The following FADD variants were observed in gnomAD, a reference collection of about 807,000 sequenced individuals.
FADD encodes Fas associated via death domain, also known as FAS-associated death domain protein.
In FADD, 3 loss-of-function variants were observed where a neutral mutation model predicts 5.8. That is an observed-to-expected ratio of 0.52 (90% confidence interval 0.24 to 1.34). The LOEUF (loss-of-function observed/expected upper bound fraction) is 1.34. Ranked by LOEUF, FADD falls within the 40% of genes most tolerant of loss-of-function variation. The pLI is 0.17. For synonymous variants in FADD, 138 were observed against 130.8 expected, an observed-to-expected ratio of 1.06 and a Z score of -0.38; for missense variants, 249 against 286.7, an observed-to-expected ratio of 0.87 and a Z score of 0.95.
chr11:70,205,557 C>T (rs2049452859), intron 1 of FADD, among the ~76,000 whole-genome samples: 1 of 152,158 alleles, frequency 6.6e-6, no homozygotes, highest in African/African-American at 2.4e-5. Flanking sequence ...TCCAGGCATT[C>T]TTTGACTTGT....
At position 70,206,726 on chromosome 11, in the gene FADD, G is replaced by A; in HGVS notation, c.*253G>A. 5.7e-6 allele frequency: 3 copies of A among 521,936 alleles called. No individual in the cohort carries two copies. The highest frequency in any genetic ancestry group is 1.0e-5 in the Non-Finnish European group (3 of 286,802). The allele number at this position is 521,936 out of a possible 1,614,324, so 32.3% of individuals were successfully genotyped here. A position where few individuals can be genotyped will look rare whatever the true frequency, so the allele number is the denominator to read the frequency against. ...GCAAGATCTTGTCTCCACTAAATGAGCTCCTGCGGGAGTAGTTGGAAAGTT... is the reference window on the plus strand; with the variant it reads ...GCAAGATCTTGTCTCCACTAAATGAACTCCTGCGGGAGTAGTTGGAAAGTT... On this transcript the variant is annotated 3_prime_UTR_variant, in exon 2 of 2. Coordinates refer to ENST00000301838, the MANE Select transcript of FADD (RefSeq NM_003824.4).
chr11:70,204,192 A>C lies in FADD; in HGVS notation c.286+447A>C, dbSNP rs2049442926. Among the ~76,000 whole-genome samples, 3 of 152,266 alleles carry C rather than the reference A, an allele frequency of 2.0e-5. No individual in the cohort carries two copies. In the South Asian group the frequency reaches 6.2e-4, roughly 31 times the overall value. ...TGTAACTGCCAAATACAATTTTCGCAGTAGCCCTGTGGCTTAGATACTGTT... is the reference window on the plus strand; with the variant it reads ...TGTAACTGCCAAATACAATTTTCGCCGTAGCCCTGTGGCTTAGATACTGTT... On this transcript the variant is annotated intron_variant, in intron 1 of 1. Transcript: ENST00000301838.
Position 70,206,167 on chromosome 11 carries a change from TGTG to T in FADD, c.323_325del (p.Val108del). On this transcript the variant is annotated inframe_deletion, in exon 2 of 2. Transcript: ENST00000301838. ...CAGCATTTAACGTCATATGTGATAA[TGTG>T]GGGAAAGATTGGAGAAGGCTGGCTC... 1 of 1,614,060 alleles carries T rather than the reference TGTG, an allele frequency of 6.2e-7. No individual in the cohort carries two copies. The highest frequency in any genetic ancestry group is 8.5e-7 in the Non-Finnish European group (1 of 1,180,004).
In FADD at chr11:70,207,358, A is replaced by G. The variant is rs1203822166; in HGVS notation, c.*885A>G. ...CTTATTCCTAAGGTAATCCTATTAA[A>G]ACACAGCTTTACAACTTCCATACTA... On this transcript the variant is annotated 3_prime_UTR_variant, in exon 2 of 2. Coordinates refer to ENST00000301838, the MANE Select transcript of FADD (RefSeq NM_003824.4). 5.9e-5 allele frequency: 9 copies of G among 152,104 alleles called. No homozygotes were observed. Among genetic ancestry groups the G allele is most frequent in the African/African-American group, 2.2e-4 (9 of 41,418 alleles). The allele number at this position is 152,104 out of a possible 1,614,324, so 9.4% of individuals were successfully genotyped here.
In FADD at chr11:70,206,514, C is replaced by T. The variant is rs2049462875; in HGVS notation, c.*41C>T. 6.3e-7 allele frequency: 1 copy of T among 1,583,816 alleles called. No individual in the cohort carries two copies. The highest frequency in any genetic ancestry group is 8.6e-7 in the Non-Finnish European group (1 of 1,157,004). Reference sequence around the variant, plus strand: ...CGCTGGTGGACCACAGGCATCTACACAGCCTGGACTTTGGTTCTCTCCAGG... The same window carrying T: ...CGCTGGTGGACCACAGGCATCTACATAGCCTGGACTTTGGTTCTCTCCAGG... On this transcript the variant is annotated 3_prime_UTR_variant, in exon 2 of 2. Transcript: ENST00000301838.
chr11:70,203,621 C>T lies in FADD; in HGVS notation c.162C>T (p.Asp54=). The T allele has an allele frequency of 1.9e-6, 3 of 1,596,696 alleles. No individual in the cohort carries two copies. Among genetic ancestry groups the T allele is most frequent in the Admixed American group, 1.7e-5 (1 of 58,302 alleles). The stretch of plus-strand genomic sequence containing the variant: ...TCTCCATGCTGCTGGAGCAGAACGA[C>T]CTGGAGCCCGGGCACACCGAGCTCC... ...DLFSMLLEQN[D]LEPGHTELLR... Residue 54 remains aspartate (D), a synonymous_variant, in exon 1 of 2, where the codon GAC becomes GAT. Coordinates refer to ENST00000301838, the MANE Select transcript of FADD (RefSeq NM_003824.4).
At chr11:70,205,647 C>G (rs1030730954) in intron 1 of FADD, among the ~76,000 whole-genome samples, 1 of 152,178 alleles carries the variant, frequency 6.6e-6, no homozygotes, top group Non-Finnish European at 1.5e-5. Context: ...TCCAGGTCAT[C>G]CAGGATGATC....
rs745305568 is a variant in FADD, at chr11:70,203,765, G to T, written c.286+20G>T. The stretch of plus-strand genomic sequence containing the variant: ...AAGAAGGTGGGCGCGGGGCCGGGCC[G>T]GGGGAGCCAGGGCCTGGTCGCCCGG... On this transcript the variant is annotated intron_variant, in intron 1 of 1. Coordinates refer to ENST00000301838, the MANE Select transcript of FADD (RefSeq NM_003824.4). 3 of 1,196,320 alleles carry T rather than the reference G, an allele frequency of 2.5e-6. No individual in the cohort carries two copies. In the African/African-American group the frequency reaches 4.8e-5, roughly 19 times the overall value. 74.1% of individuals were successfully genotyped at this position (1,196,320 alleles called of 1,614,324 possible). A position where few individuals can be genotyped will look rare whatever the true frequency, so the allele number is the denominator to read the frequency against.
intron 1 of FADD, among the ~76,000 whole-genome samples, chr11:70,205,201 C>T (rs933548125): frequency 5.3e-5 from 8 of 152,198 alleles, no homozygotes; most frequent in African/African-American, 4.8e-5. Context: ...AAGCAGCACC[C>T]TGTCCTGCCT....
At position 70,203,603 on chromosome 11, in the gene FADD, G is replaced by A; in HGVS notation, c.144G>A (p.Met48Ile). ...AGAGCGGCCTAGACCTCTTCTCCAT[G>A]CTGCTGGAGCAGAACGACCTGGAGC... ...RVQSGLDLFSMLLEQNDLEPG... is the reference protein window; with the variant it reads ...RVQSGLDLFSILLEQNDLEPG... The change falls in exon 1 of 2, where the codon ATG (methionine) becomes ATA (isoleucine). Residue 48 changes from methionine (M) to isoleucine (I), a missense_variant. Coordinates refer to ENST00000301838, the MANE Select transcript of FADD (RefSeq NM_003824.4). The A allele has an allele frequency of 6.2e-7, 1 of 1,608,122 alleles. No individual in the cohort carries two copies. Among genetic ancestry groups the A allele is most frequent in the East Asian group, 2.3e-5 (1 of 44,072 alleles).
In FADD at chr11:70,206,248, C is replaced by A. The variant is rs768429356; in HGVS notation, c.402C>A (p.Pro134=). Residue 134 remains proline (P), a synonymous_variant, in exon 2 of 2, where the codon CCC becomes CCA. Transcript: ENST00000301838. ...TKIDSIEDRY[P]RNLTERVRES... is the part of the protein sequence containing the mutation. ...TCGACAGCATCGAGGACAGATACCCCCGCAACCTGACAGAGCGTGTGCGGG... is the reference window on the plus strand; with the variant it reads ...TCGACAGCATCGAGGACAGATACCCACGCAACCTGACAGAGCGTGTGCGGG... 2 of 1,614,162 alleles carry A rather than the reference C, an allele frequency of 1.2e-6. No homozygotes were observed. The highest frequency in any genetic ancestry group is 1.7e-6 in the Non-Finnish European group (2 of 1,180,022).
chr11:70,205,591 C>T (rs41268233), intron 1 of FADD, among the ~76,000 whole-genome samples: 2,975 of 152,256 alleles, frequency 0.02, 103 homozygotes, highest in African/African-American at 0.069. Flanking sequence ...CAGGCTCACA[C>T]GGCCTTCCCT....
rs1441791156 is a variant in FADD, at chr11:70,203,510, C to T, written c.51C>T (p.Ser17=). 3.7e-6 allele frequency: 6 copies of T among 1,608,170 alleles called. No individual in the cohort carries two copies. The highest frequency in any genetic ancestry group is 5.1e-6 in the Non-Finnish European group (6 of 1,177,872). ...ACTCGGTGTCGTCCAGCCTGTCGAG[C>T]AGCGAGCTGACCGAGCTCAAGTTCC... ...LLHSVSSSLS[S]SELTELKFLC... The change falls in exon 1 of 2, where the codon AGC becomes AGT. Residue 17 remains serine, a synonymous_variant. Transcript: ENST00000301838.
chr11:70,207,076 A>T lies in FADD; in HGVS notation c.*603A>T, dbSNP rs766907631. 6.2e-6 allele frequency: 1 copy of T among 162,068 alleles called. No individual in the cohort carries two copies. The highest frequency in any genetic ancestry group is 1.4e-5 in the Non-Finnish European group (1 of 72,914). 10.0% of individuals were successfully genotyped at this position (162,068 alleles called of 1,614,324 possible). On this transcript the variant is annotated 3_prime_UTR_variant, in exon 2 of 2. Transcript: ENST00000301838. Reference sequence around the variant, plus strand: ...GGGGAGACCTGGTTGGCCGTGGTCCAGCTCTTGGCCCCTGTGTGAGTTGAG... The same window carrying T: ...GGGGAGACCTGGTTGGCCGTGGTCCTGCTCTTGGCCCCTGTGTGAGTTGAG...
chr11:70,203,413 G>T lies in FADD; in HGVS notation c.-47G>T, dbSNP rs539268015. On this transcript the variant is annotated 5_prime_UTR_variant, in exon 1 of 2. Transcript: ENST00000301838. ...AGGGCCAGCGAGCCGAGGACAGAGG[G>T]CGCACGGAGGGCCGGGCCGCAGCCC... 227 of 1,548,560 alleles carry T rather than the reference G, an allele frequency of 1.5e-4. 1 individual carries two copies. In the Middle Eastern group the frequency reaches 1.7e-3, roughly 11 times the overall value.
At chr11:70,204,603 T>C (rs558247681) in intron 1 of FADD, among the ~76,000 whole-genome samples, 35 of 152,116 alleles carry the variant, frequency 2.3e-4, no homozygotes, top group African/African-American at 8.2e-4. Context: ...ACCAATCAGA[T>C]AGGGCCTAAA....
At position 70,203,735 on chromosome 11, in the gene FADD, T is replaced by G. The variant is rs2135898214; in HGVS notation, c.276T>G (p.Pro92=). 1.5e-6 allele frequency: 2 copies of G among 1,357,082 alleles called. No individual in the cohort carries two copies. The highest frequency in any genetic ancestry group is 1.9e-6 in the Non-Finnish European group (2 of 1,054,518). The allele number at this position is 1,357,082 out of a possible 1,614,324, so 84.1% of individuals were successfully genotyped here. A position where few individuals can be genotyped will look rare whatever the true frequency, so the allele number is the denominator to read the frequency against. ...CGGGGGCGGCGGCCGGGGCCGCGCC[T>G]GGGGAAGAAGGTGGGCGCGGGGCCG... is the stretch of plus-strand genomic sequence containing the variant. The part of the protein sequence containing the change: ...FEAGAAAGAA[P]GEEDLCAAFN... Residue 92 remains proline (P), a synonymous_variant, in exon 1 of 2, where the codon CCT becomes CCG. Transcript: ENST00000301838.
intron 1 of FADD, among the ~76,000 whole-genome samples, chr11:70,205,296 G>A (rs551416050): frequency 6.6e-6 from 1 of 152,294 alleles, no homozygotes; most frequent in East Asian, 1.9e-4. Context: ...GTCAGCAGAT[G>A]AGGAGTATGG....
intron 1 of FADD, among the ~76,000 whole-genome samples, chr11:70,205,843 T>C (rs7105001): frequency 0.51 from 77,474 of 152,068 alleles, 20,322 homozygotes; most frequent in East Asian, 0.66. Context: ...TGTCTCCTGC[T>C]CTAAGTAGGT....
Sources: allele counts gnomAD v4.1 joint callset (sites outside exome capture counted in the v4.1 genomes callset), GRCh38; gene constraint gnomAD v4.1.1; transcripts MANE v1.5; gene names NCBI Gene and HGNC (gene_info 2026-07-23, HGNC 2026-07-21).